CUL9: variants seen among roughly 807,000 people sequenced by gnomAD.
CUL9 encodes the protein cullin-9.
Under a neutral mutation model 272.6 loss-of-function variants are expected in CUL9, and 79 were observed. That is an observed-to-expected ratio of 0.29 (90% CI 0.24 to 0.35). CUL9 has a LOEUF of 0.35. Among genes scored for constraint, CUL9 ranks in the 10% least tolerant of loss-of-function variants. CUL9 has a pLI of 1.00. For synonymous variants in CUL9, 1,186 were observed against 1,286.5 expected (o/e 0.92, Z 1.67); for missense variants, 2,532 against 3,255.6 (o/e 0.78, Z 5.41).
In CUL9 at chr6:43,215,244, G is replaced by A; in HGVS notation, c.5854G>A (p.Ala1952Thr). ...TGACCGGCCCCAGATCCTGATGTAT[G>A]CCGCTCCAGAGCCCATGGGGCCCTG... ...RDDRPQILMYAAPEPMGPCRG... is the reference protein window; with the variant it reads ...RDDRPQILMYTAPEPMGPCRG... The change falls in exon 30 of 41, where the codon GCC becomes ACC. Residue 1952 changes from alanine to threonine, a missense_variant. Ala to Thr is a moderately conservative substitution (Grantham distance 58). Coordinates refer to ENST00000252050, the MANE Select transcript of CUL9 (RefSeq NM_015089.4). 6.2e-7 allele frequency: 1 copy of A among 1,614,208 alleles called. No homozygotes were observed.
rs781192438 is a variant in CUL9, at chr6:43,185,582, T to C, written c.722T>C (p.Met241Thr). 6 of 1,613,202 alleles carry C rather than the reference T, an allele frequency of 3.7e-6. No individual in the cohort carries two copies. The highest frequency in any genetic ancestry group is 2.7e-5 in the African/African-American group (2 of 74,930). Reference sequence around the variant, plus strand: ...ACCACATCCTCTGAAGAACACTGCATGGCCTTTGAGGGCATTCATCTGCCT... The same window carrying C: ...ACCACATCCTCTGAAGAACACTGCACGGCCTTTGAGGGCATTCATCTGCCT... ...AETTSSEEHC[M>T]AFEGIHLPQI... Residue 241 changes from methionine (M) to threonine (T), a missense_variant, in exon 3 of 41, where the codon ATG (methionine) becomes ACG (threonine). By Grantham distance (81) the Met-to-Thr change is moderately conservative. This residue lies in a region of CUL9 where 2,218 missense variants were observed against 2,788.6 expected (regional missense o/e 0.80). Coordinates refer to ENST00000252050, the MANE Select transcript of CUL9 (RefSeq NM_015089.4).
At chr6:43,201,754 C>G (rs57770249) in intron 16 of CUL9, among the ~76,000 whole-genome samples, 49 of 152,344 alleles carry the variant, frequency 3.2e-4, no homozygotes, top group African/African-American at 1.1e-3. Context: ...GCTGGGATTA[C>G]AGGCGTGAAC....
intron 29 of CUL9, among the ~76,000 whole-genome samples, chr6:43,214,327 T>C (rs1265610341): frequency 1.3e-5 from 2 of 151,920 alleles, no homozygotes; most frequent in African/African-American, 4.8e-5. Flanking sequence ...GGCCGAGGCA[T>C]GAGAATTGCT....
rs919440991 is a variant in CUL9 at position 43,213,990 on chromosome 6, T to G, written c.5688+78T>G. ...ATTGGGGATGAACACAGTGAACTCT[T>G]TCAATATAAGACTTCTGTAGGGTGA... On this transcript the variant is annotated intron_variant, in intron 29 of 40. Transcript: ENST00000252050. This position sits in a 1 kb window ranked among gnomAD's most constrained non-coding sequence, Gnocchi z 5.7. 8 of 1,436,446 alleles carry G rather than the reference T, an allele frequency of 5.6e-6. No homozygotes were observed. The highest frequency in any genetic ancestry group is 7.8e-6 in the Non-Finnish European group (8 of 1,024,900). 89.0% of individuals were successfully genotyped at this position (1,436,446 alleles called of 1,614,324 possible).
At chr6:43,214,383 C>CAGTGG (rs1462062208) in intron 29 of CUL9, among the ~76,000 whole-genome samples, 4 of 152,148 alleles carry the variant, frequency 2.6e-5, no homozygotes, top group Admixed American at 2.6e-4. Flanking sequence ...TGCCACTGTA[C>CAGTGG]CCCAGCCTGG....
intron 8 of CUL9, among the ~76,000 whole-genome samples, chr6:43,189,799 G>T (rs1265562841): frequency 6.6e-6 from 1 of 152,210 alleles, no homozygotes; most frequent in East Asian, 1.9e-4. Flanking sequence ...CTCCCAAAGT[G>T]CTGGGATTAC....
chr6:43,221,672 G>C lies in CUL9; in HGVS notation c.6753-13G>C. Reference sequence around the variant, plus strand: ...AGAGGCAGGAGTCCCTGACCAGCCAGCTTCCTCCATAGCATGACCTGTGCC... The same window carrying C: ...AGAGGCAGGAGTCCCTGACCAGCCACCTTCCTCCATAGCATGACCTGTGCC... On this transcript the variant is annotated splice_polypyrimidine_tract_variant and intron_variant, in intron 34 of 40. Transcript: ENST00000252050. The surrounding 1 kb of genome is among the most constrained non-coding windows in gnomAD (Gnocchi z 4.2). 6.2e-7 allele frequency: 1 copy of C among 1,612,856 alleles called. No homozygotes were observed. Among genetic ancestry groups the C allele is most frequent in the Non-Finnish European group, 8.5e-7 (1 of 1,179,462 alleles).
At position 43,206,173 on chromosome 6, in the gene CUL9, C is replaced by T. The variant is rs190020475; in HGVS notation, c.4960C>T (p.Arg1654Trp). The T allele has an allele frequency of 5.6e-5, 91 of 1,613,516 alleles. No homozygotes were observed. Among genetic ancestry groups the T allele is most frequent in the Middle Eastern group, 1.7e-4 (1 of 6,054 alleles). The change falls in exon 25 of 41, where the codon CGG (arginine) becomes TGG (tryptophan). Residue 1654 changes from arginine to tryptophan, a missense_variant. Around this residue, in one of 3 missense-constraint regions of CUL9, gnomAD observed 2,218 missense variants for 2,788.6 expected, o/e 0.80. Transcript: ENST00000252050. This position sits in a 1 kb window ranked among gnomAD's most constrained non-coding sequence, Gnocchi z 4.8. ...QRQFHLFQLQRLDKLFLEQED... is the reference protein window; with the variant it reads ...QRQFHLFQLQWLDKLFLEQED... ...CCAGTTCCACCTCTTCCAGCTCCAG[C>T]GGCTCGACAAGTTGTTCTTGGAGCA... is the stretch of plus-strand genomic sequence containing the variant.
Position 43,196,218 on chromosome 6 carries a change from G to A in CUL9, c.2538G>A (p.Leu846=). The stretch of plus-strand genomic sequence containing the variant: ...CCACACGCCCGGGCTCTGAGAGCCT[G>A]CTCCTCACTGTCCCTGCAGCCGTGA... ...DSATRPGSES[L]LLTVPAAVIL... is the part of the protein sequence containing the mutation. The change falls in exon 10 of 41, where the codon CTG becomes CTA. Residue 846 remains leucine (L), a synonymous_variant. Transcript: ENST00000252050. The A allele has an allele frequency of 6.2e-7, 1 of 1,614,126 alleles. No individual in the cohort carries two copies. The highest frequency in any genetic ancestry group is 1.1e-5 in the South Asian group (1 of 91,082).
chr6:43,186,209 G>A lies in CUL9; in HGVS notation c.1005G>A (p.Arg335=). Residue 335 remains arginine, a synonymous_variant, in exon 4 of 41, where the codon CGG becomes CGA. Transcript: ENST00000252050. ...GCATGTCACCTCCCCGGCCAACCCG[G>A]TCCATCTTTCAGCCCTACATTTCAG... The part of the protein sequence containing the change: ...EQGMSPPRPT[R]SIFQPYISGP... The A allele has an allele frequency of 6.2e-7, 1 of 1,614,200 alleles. No homozygotes were observed. The highest frequency in any genetic ancestry group is 1.1e-5 in the South Asian group (1 of 91,088).
intron 8 of CUL9, among the ~76,000 whole-genome samples, chr6:43,192,059 CTTTTTT>C: frequency 8.4e-6 from 1 of 118,614 alleles, no homozygotes; most frequent in African/African-American, 3.5e-5. Flanking sequence ...CCCCTTTTCT[CTTTTTT>C]TTTTTTTTTT....
Position 43,218,967 on chromosome 6 carries a change from G to A in CUL9, c.6283-1492G>A, listed in dbSNP as rs993158522. On this transcript the variant is annotated intron_variant, in intron 31 of 40. Coordinates refer to ENST00000252050, the MANE Select transcript of CUL9 (RefSeq NM_015089.4). This position sits in a 1 kb window ranked among gnomAD's most constrained non-coding sequence, Gnocchi z 4.4. ...CAAGCCTGTAAAGATACAGAGACGGGGGGTCTCAGGAGTTTGAGACCAGCC... is the reference window on the plus strand; with the variant it reads ...CAAGCCTGTAAAGATACAGAGACGGAGGGTCTCAGGAGTTTGAGACCAGCC... 2.0e-5 allele frequency among the ~76,000 whole-genome samples: 3 copies of A among 152,002 alleles called. No homozygotes were observed. Among genetic ancestry groups the A allele is most frequent in the Non-Finnish European group, 2.9e-5 (2 of 67,992 alleles).
Position 43,220,905 on chromosome 6 carries a change from C to T in CUL9, c.6582C>T (p.Phe2194=). 1.9e-6 allele frequency: 3 copies of T among 1,610,640 alleles called. No individual in the cohort carries two copies. The highest frequency in any genetic ancestry group is 1.7e-6 in the Non-Finnish European group (2 of 1,178,400). Residue 2194 remains phenylalanine, a synonymous_variant, in exon 33 of 41, where the codon TTC becomes TTT. Coordinates refer to ENST00000252050, the MANE Select transcript of CUL9 (RefSeq NM_015089.4). This position sits in a 1 kb window ranked among gnomAD's most constrained non-coding sequence, Gnocchi z 4.9. ...GGGCCTCTTGCTTCAACTGTAGCTT[C>T]CCTGAGGTGGGAGCCCCACACTGGC... ...CGWASCFNCS[F]PEAHYPASCG... is the part of the protein sequence containing the mutation.
rs770902357 is a variant in CUL9, at chr6:43,196,179, C to A, written c.2499C>A (p.Ala833=). 6 of 1,614,194 alleles carry A rather than the reference C, an allele frequency of 3.7e-6. 1 individual carries two copies. The South Asian group carries it at 6.6e-5, about 18-fold the overall frequency. ...CTCAGATGACCAGAGAGATCTTCGCCAGCATCGACTCAGCCACACGCCCGG... is the reference window on the plus strand; with the variant it reads ...CTCAGATGACCAGAGAGATCTTCGCAAGCATCGACTCAGCCACACGCCCGG... The part of the protein sequence containing the change: ...FDAQMTREIF[A]SIDSATRPGS... The change falls in exon 10 of 41, where the codon GCC becomes GCA. Residue 833 remains alanine, a synonymous_variant. Coordinates refer to ENST00000252050, the MANE Select transcript of CUL9 (RefSeq NM_015089.4).
intron 36 of CUL9, 25 bp from the exon 37 acceptor site, chr6:43,222,506 T>C: frequency 1.2e-6 from 2 of 1,612,440 alleles, no homozygotes; most frequent in Non-Finnish European, 8.5e-7. Flanking sequence ...CCTGTGCTGG[T>C]ACTGATACAC....
In CUL9 at chr6:43,184,884, G is replaced by T; in HGVS notation, c.574G>T (p.Ala192Ser). The change falls in exon 2 of 41, where the codon GCT (alanine) becomes TCT (serine). Residue 192 changes from alanine (A) to serine (S), a missense_variant. Coordinates refer to ENST00000252050, the MANE Select transcript of CUL9 (RefSeq NM_015089.4). The surrounding 1 kb of genome is among the most constrained non-coding windows in gnomAD (Gnocchi z 4.8). ...CCGGAGTGCAGGCAAAATGCTGCAG[G>T]CTCTGGCAGCCCACGATGCTGGTAA... The part of the protein sequence containing the change: ...IRRSAGKMLQ[A>S]LAAHDAGSRA... 1.9e-6 allele frequency: 3 copies of T among 1,595,350 alleles called. No homozygotes were observed. The highest frequency in any genetic ancestry group is 2.6e-6 in the Non-Finnish European group (3 of 1,173,794).
intron 9 of CUL9, among the ~76,000 whole-genome samples, chr6:43,194,712 G>A (rs771508319): frequency 4.6e-5 from 7 of 151,990 alleles, no homozygotes; most frequent in African/African-American, 1.2e-4. Context: ...CTCAAATTAC[G>A]TGACCAAAAC....
In CUL9 at chr6:43,184,776, G is replaced by C. The variant is rs4714672; in HGVS notation, c.466G>C (p.Gly156Arg). 1,180 of 1,614,098 alleles carry C rather than the reference G, an allele frequency of 7.3e-4. 12 individuals are homozygous for C. The Admixed American group carries it at 0.018, about 25-fold the overall frequency. The stretch of plus-strand genomic sequence containing the variant: ...CGTGCTCAGTGCCTACGCCAGCATC[G>C]GGCCCCTCACTGGTGTCTTCAGGGA... ...IHVLSAYASI[G>R]PLTGVFRETG... The change falls in exon 2 of 41, where the codon GGG becomes CGG. Residue 156 changes from glycine to arginine, a missense_variant. Transcript: ENST00000252050. This position sits in a 1 kb window ranked among gnomAD's most constrained non-coding sequence, Gnocchi z 4.8.
intron 2 of CUL9, among the ~76,000 whole-genome samples, chr6:43,185,220 T>TA (rs975016249): frequency 6.6e-6 from 1 of 152,218 alleles, no homozygotes; most frequent in African/African-American, 2.4e-5. Flanking sequence ...AACATTTTTT[T>TA]AAAAACTTAA....
Sources: gnomAD v4.1 joint callset for allele counts (sites outside exome capture counted in the v4.1 genomes callset) on GRCh38, gnomAD v4.1.1 for gene constraint, gnomAD v4.1.1 regional missense constraint, Gnocchi (gnomAD v3.1) non-coding constraint, MANE v1.5 for transcripts, NCBI Gene and HGNC (gene_info 2026-07-23, HGNC 2026-07-21) for gene names.